TRIO: variants seen among roughly 807,000 people sequenced by gnomAD.
TRIO encodes the protein triple functional domain protein.
Under a neutral mutation model 351.9 loss-of-function variants are expected in TRIO, and 58 were observed. The ratio of observed to expected loss-of-function variants is 0.16; its 90% CI spans 0.13 to 0.21. The LOEUF is 0.21. TRIO is among the 10% of genes least tolerant of loss of function. The probability of loss-of-function intolerance (pLI) is 1.00; values close to 1 mark genes in which losing one functional copy is unlikely to be tolerated. For synonymous variants in TRIO, 1,758 were observed against 1,595.7 expected (o/e 1.10, Z -2.42); for missense variants, 3,201 against 4,027.8 (o/e 0.79, Z 5.56).
intron 13 of TRIO, among the ~76,000 whole-genome samples, chr5:14,362,354 A>G (rs959745988): frequency 6.6e-6 from 1 of 152,168 alleles, no homozygotes; most frequent in Non-Finnish European, 1.5e-5. Flanking sequence ...CATCTCCCCA[A>G]TTTGACAGTC....
chr5:14,433,241 CA>C (rs1275627822), intron 34 of TRIO, among the ~76,000 whole-genome samples: 1 of 152,226 alleles, frequency 6.6e-6, no homozygotes, highest in Non-Finnish European at 1.5e-5. Context: ...GAATTCTTGG[CA>C]CCCACATGAA....
chr5:14,496,525 C>T (rs1756906672), intron 49 of TRIO, among the ~76,000 whole-genome samples: 1 of 152,230 alleles, frequency 6.6e-6, no homozygotes, highest in Admixed American at 6.5e-5. Flanking sequence ...GGGCACATGC[C>T]TTTACTGGAC....
chr5:14,460,904 G>A, intron 34 of TRIO, 115 bp from the exon 35 acceptor site: 2 of 1,273,936 alleles, frequency 1.6e-6, no homozygotes, highest in Admixed American at 3.0e-5. Flanking sequence ...GGCAAAGCCC[G>A]CTGACGAGGC....
In TRIO at chr5:14,465,574, C is replaced by T. The variant is rs753371830; in HGVS notation, c.5697C>T (p.Thr1899=). The T allele has an allele frequency of 6.2e-7, 1 of 1,614,104 alleles. No homozygotes were observed. Among genetic ancestry groups the T allele is most frequent in the Non-Finnish European group, 8.5e-7 (1 of 1,180,034 alleles). ...CTTCTCGGTTATTAGTCCGCCCCAC[C>T]AGCTCCGAAACACCGAGTGCAGCCG... ...KASSRLLVRP[T]SSETPSAAEL... is the part of the protein sequence containing the mutation. The change falls in exon 37 of 57, where the codon ACC becomes ACT. Residue 1899 remains threonine (T), a synonymous_variant. Coordinates refer to ENST00000344204, the MANE Select transcript of TRIO (RefSeq NM_007118.4).
intron 3 of TRIO, 21 bp downstream of exon 3, chr5:14,280,457 G>A (rs1195065740): frequency 6.3e-7 from 1 of 1,595,086 alleles, no homozygotes; most frequent in South Asian, 1.1e-5. Flanking sequence ...TGTGGCTTGT[G>A]CTTGTCACTG....
At chr5:14,226,369 C>T (rs924195513) in intron 1 of TRIO, among the ~76,000 whole-genome samples, 2 of 152,140 alleles carry the variant, frequency 1.3e-5, no homozygotes, top group Admixed American at 6.5e-5. Context: ...TTTAGAAGAC[C>T]TTGTGGAGGT....
chr5:14,216,825 C>G (rs1038560504), intron 1 of TRIO, among the ~76,000 whole-genome samples: 4 of 152,222 alleles, frequency 2.6e-5, no homozygotes, highest in Admixed American at 2.0e-4. Context: ...CATGACTGGC[C>G]TATTTGCCTT....
In TRIO at chr5:14,406,576, T is replaced by C. The variant is rs1748739766; in HGVS notation, c.4863T>C (p.Asp1621=). ...APATRQKGRR[D]GEDLDSQGDG... is the part of the protein sequence containing the mutation. ...AAAAGTTTCTTTGCACCGCCAGGGA[T>C]GGAGAGGATCTGGACAGCCAAGGAG... Residue 1621 remains aspartate (D), a synonymous_variant, in exon 33 of 57, where the codon GAT becomes GAC. Transcript: ENST00000344204. 7 of 1,613,908 alleles carry C rather than the reference T, an allele frequency of 4.3e-6. No homozygotes were observed. Among genetic ancestry groups the C allele is most frequent in the Non-Finnish European group, 5.9e-6 (7 of 1,179,910 alleles).
At chr5:14,236,277 A>G (rs1384632680) in intron 1 of TRIO, among the ~76,000 whole-genome samples, 3 of 152,206 alleles carry the variant, frequency 2.0e-5, no homozygotes, top group East Asian at 1.9e-4. Flanking sequence ...CATTTTTTCT[A>G]TACAGTGATA....
Position 14,420,062 on chromosome 5 carries a change from A to G in TRIO, c.5203+41A>G, listed in dbSNP as rs757989796. The G allele has an allele frequency of 9.4e-6, 15 of 1,597,244 alleles. No individual in the cohort carries two copies. In the East Asian group the frequency reaches 1.3e-4, roughly 14 times the overall value. On this transcript the variant is annotated intron_variant, in intron 34 of 56. Transcript: ENST00000344204. ...GCATGGGTGGCAGACCCCTACTGGA[A>G]GTGGCCCTGGAGCGCTCTGTCTCCG...
At chr5:14,443,041 A>G (rs781500789) in intron 34 of TRIO, among the ~76,000 whole-genome samples, 1 of 152,232 alleles carries the variant, frequency 6.6e-6, no homozygotes, top group Admixed American at 6.5e-5. Flanking sequence ...TCTTAGTGGT[A>G]TCTTAATTCC....
intron 1 of TRIO, among the ~76,000 whole-genome samples, chr5:14,209,804 G>A (rs1056632542): frequency 1.6e-4 from 24 of 152,262 alleles, no homozygotes; most frequent in African/African-American, 5.3e-4. Flanking sequence ...CCTCAAGGCA[G>A]TATTTTTAAA....
At chr5:14,385,933 G>C (rs1247186517) in intron 21 of TRIO, among the ~76,000 whole-genome samples, 1 of 152,222 alleles carries the variant, frequency 6.6e-6, no homozygotes, top group Non-Finnish European at 1.5e-5. Context: ...CATACAGGTA[G>C]TTTACAGTGC....
At chr5:14,489,837 C>T (rs1756350767) in intron 48 of TRIO, among the ~76,000 whole-genome samples, 1 of 152,152 alleles carries the variant, frequency 6.6e-6, no homozygotes, top group Non-Finnish European at 1.5e-5. Flanking sequence ...GTTGCTTTTG[C>T]TTTCTCTCTT....
At chr5:14,205,557 AAATTT>A (rs1325788663) in intron 1 of TRIO, among the ~76,000 whole-genome samples, 1 of 152,248 alleles carries the variant, frequency 6.6e-6, no homozygotes, top group Non-Finnish European at 1.5e-5. Context: ...AGTTACAATT[AAATTT>A]AATTCATGAA....
chr5:14,319,967 G>T (rs367778896), intron 9 of TRIO, among the ~76,000 whole-genome samples: 72 of 152,328 alleles, frequency 4.7e-4, no homozygotes, highest in African/African-American at 1.6e-3. Context: ...TGAAGCTGCT[G>T]TGTGTAGCAC....
intron 49 of TRIO, among the ~76,000 whole-genome samples, chr5:14,493,429 C>G (rs1363347333): frequency 6.6e-6 from 1 of 152,126 alleles, no homozygotes; most frequent in Non-Finnish European, 1.5e-5. Flanking sequence ...ATATTTCATG[C>G]ATTTTGTTAT....
At chr5:14,398,830 G>A (rs1295489625) in intron 29 of TRIO, 50 bp from the exon 30 acceptor site, 1 of 1,524,476 alleles carries the variant, frequency 6.6e-7, no homozygotes. Context: ...TTGTGCATCA[G>A]TTTTTATTTT....
At chr5:14,344,726 C>A (rs1742262782) in intron 11 of TRIO, among the ~76,000 whole-genome samples, 1 of 152,192 alleles carries the variant, frequency 6.6e-6, no homozygotes, top group Non-Finnish European at 1.5e-5. Context: ...CTTTGAACAA[C>A]AGTAACTGCT....
Sources: gnomAD v4.1 joint callset for allele counts (sites outside exome capture counted in the v4.1 genomes callset) on GRCh38, gnomAD v4.1.1 for gene constraint, MANE v1.5 for transcripts, NCBI Gene and HGNC (gene_info 2026-07-23, HGNC 2026-07-21) for gene names.